The following BCL7A variants were observed in gnomAD, a reference collection of about 807,000 sequenced individuals.
The protein encoded by BCL7A is B-cell CLL/lymphoma 7 protein family member A.
A neutral mutation model predicts 28.4 loss-of-function variants in BCL7A; 11 were observed. That is an observed-to-expected ratio of 0.39 (90% CI 0.24 to 0.64). BCL7A has a LOEUF of 0.64. Among genes scored for constraint, BCL7A ranks in the 30% least tolerant of loss-of-function variants. BCL7A has a pLI of 0.50. For synonymous variants in BCL7A, 123 were observed against 103.3 expected, an observed-to-expected ratio of 1.19 and a Z score of -1.15; for missense variants, 222 against 274.8, an observed-to-expected ratio of 0.81 and a Z score of 1.36.
intron 5 of BCL7A, among the ~76,000 whole-genome samples, chr12:122,058,159 C>T (rs755755599): frequency 2.6e-5 from 4 of 152,064 alleles, no homozygotes; most frequent in Non-Finnish European, 2.9e-5. Context: ...ATGACCACTA[C>T]ACCCCAGCCT....
rs1884279728 is a variant in BCL7A, at chr12:122,054,918, ATC to A, written c.558_559del (p.Gln187GlyfsTer9). 2 of 1,614,160 alleles carry A rather than the reference ATC, an allele frequency of 1.2e-6. No individual in the cohort carries two copies. The highest frequency in any genetic ancestry group is 1.7e-6 in the Non-Finnish European group (2 of 1,180,000). ...DSGLAAETSA[I>X]SQDLEGVPPS... The stretch of plus-strand genomic sequence containing the variant: ...GGGTCTGGCCGCAGAGACGTCTGCA[ATC>A]TCTCAGGTACCTCGCTCGAGGTCTC... On this transcript the variant is annotated frameshift_variant, in exon 5 of 6. Coordinates refer to ENST00000261822, the MANE Select transcript of BCL7A (RefSeq NM_001024808.3). LOFTEE classifies it high-confidence loss of function.
At position 122,060,550 on chromosome 12, in the gene BCL7A, T is replaced by G. The variant is rs528517492; in HGVS notation, c.*1387T>G. The G allele has an allele frequency of 2.1e-4, 48 of 232,702 alleles. No homozygotes were observed. The highest frequency in any genetic ancestry group is 1.1e-3 in the African/African-American group (48 of 45,426). The allele number at this position is 232,702 out of a possible 1,614,324, so 14.4% of individuals were successfully genotyped here. A position where few individuals can be genotyped will look rare whatever the true frequency, so the allele number is the denominator to read the frequency against. ...GTTCTGAGGCCTGGTTTGCTCTTAA[T>G]TAATATATGAACTCCTCAGACCTTA... is the stretch of plus-strand genomic sequence containing the variant. On this transcript the variant is annotated 3_prime_UTR_variant, in exon 6 of 6. Transcript: ENST00000261822.
chr12:122,039,311 A>T (rs1294955341), intron 3 of BCL7A, among the ~76,000 whole-genome samples: 3 of 139,914 alleles, frequency 2.1e-5, no homozygotes, highest in Non-Finnish European at 4.6e-5. Context: ...AAAATAGATT[A>T]AAAAAAAAAA....
intron 4 of BCL7A, among the ~76,000 whole-genome samples, chr12:122,045,462 G>T (rs1192293211): frequency 6.6e-6 from 1 of 152,112 alleles, no homozygotes; most frequent in African/African-American, 2.4e-5. Flanking sequence ...TAAGGCCACT[G>T]CCTGGCCTGG....
chr12:122,060,803 A>G lies in BCL7A; in HGVS notation c.*1640A>G, dbSNP rs761474962. 1.3e-5 allele frequency: 3 copies of G among 222,540 alleles called. No individual in the cohort carries two copies. Among genetic ancestry groups the G allele is most frequent in the African/African-American group, 7.1e-5 (3 of 42,460 alleles). The allele number at this position is 222,540 out of a possible 1,614,324, so 13.8% of individuals were successfully genotyped here. A position where few individuals can be genotyped will look rare whatever the true frequency, so the allele number is the denominator to read the frequency against. ...GGGTGAGGCTCTTATTTTTTTTTTTAAGGGATCCTGTCTATTTCCTGCACT... is the reference window on the plus strand; with the variant it reads ...GGGTGAGGCTCTTATTTTTTTTTTTGAGGGATCCTGTCTATTTCCTGCACT... On this transcript the variant is annotated 3_prime_UTR_variant, in exon 6 of 6. Coordinates refer to ENST00000261822, the MANE Select transcript of BCL7A (RefSeq NM_001024808.3).
chr12:122,043,332 G>T (rs1883997848), intron 3 of BCL7A, among the ~76,000 whole-genome samples: 1 of 151,194 alleles, frequency 6.6e-6, no homozygotes, highest in African/African-American at 2.4e-5. Context: ...AGTTGGCTCA[G>T]TGTGGGGAAG....
chr12:122,048,874 A>G (rs1884129330), intron 4 of BCL7A, among the ~76,000 whole-genome samples: 1 of 151,894 alleles, frequency 6.6e-6, no homozygotes, highest in Non-Finnish European at 1.5e-5. Flanking sequence ...ACAAAAAATT[A>G]GCTGGGTGTG....
chr12:122,035,755 C>G (rs924094429), intron 3 of BCL7A, among the ~76,000 whole-genome samples: 5 of 152,180 alleles, frequency 3.3e-5, no homozygotes, highest in African/African-American at 4.8e-5. Flanking sequence ...GTTTCTTCGC[C>G]CCCTCATATA....
chr12:122,059,062 C>A lies in BCL7A; in HGVS notation c.562-30C>A. ...CTAACTTGCTCTCCTGGCCCATTAA[C>A]CTGTGTTCCCCTTTTCTCCTCTCCC... On this transcript the variant is annotated intron_variant, in intron 5 of 5. Coordinates refer to ENST00000261822, the MANE Select transcript of BCL7A (RefSeq NM_001024808.3). The surrounding 1 kb of genome is among the most constrained non-coding windows in gnomAD (Gnocchi z 4.0). The A allele has an allele frequency of 6.4e-7, 1 of 1,569,254 alleles. No homozygotes were observed. Among genetic ancestry groups the A allele is most frequent in the Middle Eastern group, 1.7e-4 (1 of 5,960 alleles).
chr12:122,031,071 G>A (rs1883733824), intron 2 of BCL7A, among the ~76,000 whole-genome samples: 2 of 152,076 alleles, frequency 1.3e-5, no homozygotes, highest in Admixed American at 6.5e-5. Flanking sequence ...CTGCCGCCCA[G>A]GCTGGAGTGC....
At chr12:122,025,626 CA>C (rs1225688378) in intron 1 of BCL7A, among the ~76,000 whole-genome samples, 133 of 125,602 alleles carry the variant, frequency 1.1e-3, no homozygotes, top group Admixed American at 9.9e-4. Context: ...GACTCCATCT[CA>C]AAAAAAAAAA....
intron 4 of BCL7A, among the ~76,000 whole-genome samples, chr12:122,048,838 G>A (rs982503373): frequency 6.6e-6 from 1 of 151,666 alleles, no homozygotes; most frequent in Middle Eastern, 3.2e-3. Context: ...TGCCCAGCAT[G>A]GCAAAACACT....
chr12:122,024,845 C>G (rs1883580166), intron 1 of BCL7A, among the ~76,000 whole-genome samples: 1 of 152,076 alleles, frequency 6.6e-6, no homozygotes, highest in Admixed American at 6.5e-5. Flanking sequence ...GTATTTTACC[C>G]AGAGGGAAGC....
intron 1 of BCL7A, among the ~76,000 whole-genome samples, chr12:122,024,361 T>G (rs772156773): frequency 6.6e-6 from 1 of 152,138 alleles, no homozygotes; most frequent in African/African-American, 2.4e-5. Context: ...ATTGAGGTCA[T>G]GCCTCCGAGA....
At chr12:122,026,707 T>A (rs1160821144) in intron 1 of BCL7A, among the ~76,000 whole-genome samples, 1 of 152,156 alleles carries the variant, frequency 6.6e-6, no homozygotes, top group Non-Finnish European at 1.5e-5. Flanking sequence ...GGGCCAGGCC[T>A]CTTGAGGTGA....
chr12:122,056,234 C>T (rs916258724), intron 5 of BCL7A, among the ~76,000 whole-genome samples: 9 of 152,186 alleles, frequency 5.9e-5, no homozygotes, highest in African/African-American at 1.9e-4. Context: ...CTCTGGGCCT[C>T]TTGATCTCAG....
At chr12:122,024,261 C>A (rs888256321) in intron 1 of BCL7A, among the ~76,000 whole-genome samples, 1 of 152,224 alleles carries the variant, frequency 6.6e-6, no homozygotes, top group Non-Finnish European at 1.5e-5. Flanking sequence ...TTCGTTGCCG[C>A]GACCTTGGGC....
chr12:122,031,289 A>G (rs150287121), intron 2 of BCL7A, among the ~76,000 whole-genome samples: 1 of 152,018 alleles, frequency 6.6e-6, no homozygotes, highest in Admixed American at 6.6e-5. Context: ...TGGGCCTCCC[A>G]AAGTGCTGGA....
rs1593023303 is a variant in BCL7A at position 122,029,715 on chromosome 12, C to G, written c.93-985C>G. Among the ~76,000 whole-genome samples, 1 of 152,258 alleles carries G rather than the reference C, an allele frequency of 6.6e-6. No homozygotes were observed. The highest frequency in any genetic ancestry group is 2.1e-4 in the South Asian group (1 of 4,824). On this transcript the variant is annotated intron_variant, in intron 1 of 5. Coordinates refer to ENST00000261822, the MANE Select transcript of BCL7A (RefSeq NM_001024808.3). This position sits in a 1 kb window ranked among gnomAD's most constrained non-coding sequence, Gnocchi z 4.3. ...GAGTCTTGATTTAGGAGCCTCGGTTCCAACCCCAGCCCTGCTTCTGGGAGG... is the reference window on the plus strand; with the variant it reads ...GAGTCTTGATTTAGGAGCCTCGGTTGCAACCCCAGCCCTGCTTCTGGGAGG...
Sources: allele counts gnomAD v4.1 joint callset (sites outside exome capture counted in the v4.1 genomes callset), GRCh38; gene constraint gnomAD v4.1.1; non-coding constraint Gnocchi (gnomAD v3.1); transcripts MANE v1.5; gene names NCBI Gene and HGNC (gene_info 2026-07-23, HGNC 2026-07-21).